Variants in SLC39A11 observed in about 807,000 individuals in gnomAD.
SLC39A11 encodes solute carrier family 39 member 11.
Under a neutral mutation model 36.1 loss-of-function variants are expected in SLC39A11, and 33 were observed. The observed-to-expected ratio is 0.91, with a 90% CI of 0.69 to 1.22. The LOEUF (loss-of-function observed/expected upper bound fraction) is 1.22. Among genes scored for constraint, SLC39A11 ranks in the 50% most tolerant of loss-of-function variants. The pLI is 0.00. For synonymous variants in SLC39A11, 166 were observed against 170.3 expected, an observed-to-expected ratio of 0.97 and a Z score of 0.20; for missense variants, 432 against 430.3, an observed-to-expected ratio of 1.00 and a Z score of -0.03.
chr17:72,830,094 C>T (rs531892638), intron 6 of SLC39A11, among the ~76,000 whole-genome samples: 2 of 152,312 alleles, frequency 1.3e-5, no homozygotes, highest in East Asian at 3.9e-4. Context: ...GAAATGCAGA[C>T]ATGCACACAT....
intron 5 of SLC39A11, among the ~76,000 whole-genome samples, chr17:72,921,348 G>A (rs1245347808): frequency 6.6e-6 from 1 of 152,160 alleles, no homozygotes; most frequent in East Asian, 1.9e-4. Context: ...GACAGTGAGG[G>A]CAAGGAAAGT....
At chr17:72,991,605 C>T (rs1284716363) in intron 4 of SLC39A11, among the ~76,000 whole-genome samples, 2 of 152,176 alleles carry the variant, frequency 1.3e-5, no homozygotes, top group African/African-American at 2.4e-5. Context: ...ATAATCCCCC[C>T]GCCTTGGCCT....
At chr17:72,779,355 G>A (rs1187780218) in intron 6 of SLC39A11, among the ~76,000 whole-genome samples, 1 of 152,156 alleles carries the variant, frequency 6.6e-6, no homozygotes, top group Non-Finnish European at 1.5e-5. Context: ...AACCTGGGAG[G>A]CGGAGGTTGC....
chr17:72,818,840 G>A (rs2077670001), intron 6 of SLC39A11: 1 of 152,156 alleles, frequency 6.6e-6, no homozygotes, highest in Admixed American at 6.5e-5. Flanking sequence ...TTTTTTTAAT[G>A]TCAGTTGTAG....
At chr17:72,661,687 GC>G (rs2070428988) in intron 7 of SLC39A11, among the ~76,000 whole-genome samples, 1 of 152,188 alleles carries the variant, frequency 6.6e-6, no homozygotes, top group South Asian at 2.1e-4. Flanking sequence ...CCGCAGGGCT[GC>G]CCGGCCCTAC....
At chr17:72,781,903 T>G (rs558176114) in intron 6 of SLC39A11, among the ~76,000 whole-genome samples, 7 of 146,496 alleles carry the variant, frequency 4.8e-5, no homozygotes, top group Non-Finnish European at 9.0e-5. Flanking sequence ...AAAAAAAAAA[T>G]TCTATTTATA....
chr17:72,959,108 G>A (rs899249517), intron 4 of SLC39A11, among the ~76,000 whole-genome samples: 55 of 151,632 alleles, frequency 3.6e-4, no homozygotes, highest in African/African-American at 1.1e-3. Flanking sequence ...AATAGTGTGG[G>A]GATTCCTTAA....
chr17:72,930,366 A>T (rs1252657294), intron 5 of SLC39A11, among the ~76,000 whole-genome samples: 1 of 152,148 alleles, frequency 6.6e-6, no homozygotes, highest in Non-Finnish European at 1.5e-5. Flanking sequence ...ACAGGCTCTG[A>T]AGTCTTGGTC....
At chr17:72,776,394 A>G (rs73995789) in intron 6 of SLC39A11, among the ~76,000 whole-genome samples, 7,441 of 152,182 alleles carry the variant, frequency 0.049, 220 homozygotes, top group African/African-American at 0.069. Flanking sequence ...TACACTTTCC[A>G]GTATTGGCCT....
At chr17:72,996,921 C>T (rs2089551225) in intron 4 of SLC39A11, among the ~76,000 whole-genome samples, 1 of 152,170 alleles carries the variant, frequency 6.6e-6, no homozygotes, top group South Asian at 2.1e-4. Flanking sequence ...TCCTTTTGTG[C>T]CTCTGCCCTT....
At chr17:72,852,783 T>C (rs1002964530) in intron 5 of SLC39A11, among the ~76,000 whole-genome samples, 1 of 152,206 alleles carries the variant, frequency 6.6e-6, no homozygotes. Flanking sequence ...GAACTAAACA[T>C]CTGGGATTTC....
At chr17:72,955,983 G>A (rs2086228784) in intron 4 of SLC39A11, among the ~76,000 whole-genome samples, 1 of 152,034 alleles carries the variant, frequency 6.6e-6, no homozygotes, top group Admixed American at 6.5e-5. Context: ...ATGAGGACGG[G>A]TAGATACCTA....
chr17:72,746,784 C>T (rs957859910), intron 6 of SLC39A11, among the ~76,000 whole-genome samples: 4 of 151,342 alleles, frequency 2.6e-5, no homozygotes, highest in African/African-American at 9.7e-5. Context: ...TGCTGGTGTG[C>T]ACCTGTAGTC....
Position 73,085,639 on chromosome 17 carries a change from C to T in SLC39A11, c.109-793G>A, listed in dbSNP as rs562180462. On this transcript the variant is annotated intron_variant, in intron 2 of 9. Coordinates refer to ENST00000255559, the MANE Select transcript of SLC39A11 (RefSeq NM_139177.4). ...CCTAGGCAACAAGAGCAAAACTCCG[C>T]CTCAAAAAAAAAAAAAAAAAAAACC... Among the ~76,000 whole-genome samples, 984 of 119,972 alleles carry T rather than the reference C, an allele frequency of 8.2e-3. 14 individuals carry two copies. Among genetic ancestry groups the T allele is most frequent in the African/African-American group, 0.027 (889 of 32,510 alleles). The allele number at this position is 119,972 out of a possible 152,430, so 78.7% of individuals were successfully genotyped here.
At chr17:73,001,173 C>A (rs919674291) in intron 4 of SLC39A11, among the ~76,000 whole-genome samples, 16 of 151,910 alleles carry the variant, frequency 1.1e-4, no homozygotes, top group Admixed American at 3.3e-4. Flanking sequence ...TTCCTCATCC[C>A]GAGCAGTGGT....
At chr17:72,893,576 G>A (rs2081873569) in intron 5 of SLC39A11, among the ~76,000 whole-genome samples, 1 of 152,154 alleles carries the variant, frequency 6.6e-6, no homozygotes, top group African/African-American at 2.4e-5. Flanking sequence ...TAAATCACCT[G>A]AGAATCCTCA....
chr17:72,647,729 G>A (rs1165141198), intron 9 of SLC39A11, 67 bp from the exon 10 acceptor site: 3 of 1,231,062 alleles, frequency 2.4e-6, no homozygotes, highest in Non-Finnish European at 1.2e-6. Context: ...TAGGCTGAAG[G>A]CATCCTCTGC....
intron 1 of SLC39A11, among the ~76,000 whole-genome samples, chr17:73,090,042 C>T (rs902081159): frequency 6.6e-6 from 1 of 152,152 alleles, no homozygotes; most frequent in Non-Finnish European, 1.5e-5. Flanking sequence ...TGATGGTCTG[C>T]CAGCACCCAG....
At chr17:72,963,866 A>AC (rs1295021882) in intron 4 of SLC39A11, among the ~76,000 whole-genome samples, 3 of 152,192 alleles carry the variant, frequency 2.0e-5, no homozygotes, top group South Asian at 2.1e-4. Context: ...ACCTTTAGGG[A>AC]CCCATGAACA....
Sources: allele counts gnomAD v4.1 joint callset (sites outside exome capture counted in the v4.1 genomes callset), GRCh38; gene constraint gnomAD v4.1.1; transcripts MANE v1.5; gene names NCBI Gene and HGNC (gene_info 2026-07-23, HGNC 2026-07-21).